RANBP9: variants seen among roughly 807,000 people sequenced by gnomAD.
RANBP9 encodes ran-binding protein 9.
RANBP9 carries 15 observed loss-of-function variants against 84.3 expected under a neutral mutation model. That is an observed-to-expected ratio of 0.18 (90% confidence interval 0.12 to 0.27). The LOEUF is 0.27. Among genes scored for constraint, RANBP9 ranks in the 10% least tolerant of loss-of-function variants. The pLI is 1.00. For missense variants in RANBP9, 809 were observed against 912.8 expected, an observed-to-expected ratio of 0.89 and a Z score of 1.46; for synonymous variants, 392 against 349.6, an observed-to-expected ratio of 1.12 and a Z score of -1.35.
chr6:13,645,270 G>A (rs1765155003), intron 5 of RANBP9, among the ~76,000 whole-genome samples: 1 of 151,742 alleles, frequency 6.6e-6, no homozygotes, highest in South Asian at 2.1e-4. Flanking sequence ...ATAACTATAA[G>A]CAAAACACAG....
rs1766320957 is a variant in RANBP9, at chr6:13,691,505, C to G, written c.683+5280G>C. Among the ~76,000 whole-genome samples, 3 of 152,276 alleles carry G rather than the reference C, an allele frequency of 2.0e-5. No homozygotes were observed. In the South Asian group the frequency reaches 6.2e-4, roughly 32 times the overall value. On this transcript the variant is annotated intron_variant, in intron 2 of 13. Coordinates refer to ENST00000011619, the MANE Select transcript of RANBP9 (RefSeq NM_005493.3). ...TAAAAGTCTTTACAAGCACATAATA[C>G]ATTAACACCAGTTCTTTCTACCCTA...
At chr6:13,706,039 GT>G (rs1758109276) in intron 1 of RANBP9, among the ~76,000 whole-genome samples, 1 of 151,948 alleles carries the variant, frequency 6.6e-6, no homozygotes, top group Non-Finnish European at 1.5e-5. Context: ...GGGGGTACAG[GT>G]GGGAAAGACA....
At chr6:13,699,256 T>C (rs776688062) in intron 1 of RANBP9, among the ~76,000 whole-genome samples, 1 of 152,212 alleles carries the variant, frequency 6.6e-6, no homozygotes, top group Non-Finnish European at 1.5e-5. Context: ...TTATAAATCT[T>C]CAAGGATCCA....
chr6:13,704,936 A>G (rs1758064621), intron 1 of RANBP9, among the ~76,000 whole-genome samples: 1 of 152,048 alleles, frequency 6.6e-6, no homozygotes, highest in South Asian at 2.1e-4. Context: ...TCTCTATAAT[A>G]TTTCCCTTAC....
At chr6:13,669,387 A>G (rs949797690) in intron 2 of RANBP9, among the ~76,000 whole-genome samples, 2 of 152,224 alleles carry the variant, frequency 1.3e-5, no homozygotes, top group Admixed American at 1.3e-4. Flanking sequence ...TCCTGAAATC[A>G]TACACAAATG....
chr6:13,638,280 G>C (rs1254457445), intron 9 of RANBP9, among the ~76,000 whole-genome samples: 4 of 152,124 alleles, frequency 2.6e-5, no homozygotes, highest in Non-Finnish European at 5.9e-5. Context: ...TGAAGTGACT[G>C]TATGATATTC....
chr6:13,685,929 CAAA>C (rs566635171), intron 2 of RANBP9, among the ~76,000 whole-genome samples: 2 of 99,624 alleles, frequency 2.0e-5, no homozygotes, highest in African/African-American at 3.6e-5. Flanking sequence ...GACTCTGTCT[CAAA>C]AAAAAAAAAA....
At chr6:13,675,747 A>T (rs75588703) in intron 2 of RANBP9, among the ~76,000 whole-genome samples, 3 of 151,710 alleles carry the variant, frequency 2.0e-5, no homozygotes, top group Non-Finnish European at 4.4e-5. Flanking sequence ...AAAAAAAAAC[A>T]CAAATTATTA....
At chr6:13,659,134 G>A (rs1041981690) in intron 2 of RANBP9, among the ~76,000 whole-genome samples, 2 of 151,922 alleles carry the variant, frequency 1.3e-5, no homozygotes, top group Admixed American at 6.6e-5. Context: ...ACAGATAAAT[G>A]TTTGGGATTA....
chr6:13,669,393 A>G (rs934005645), intron 2 of RANBP9, among the ~76,000 whole-genome samples: 1 of 152,166 alleles, frequency 6.6e-6, no homozygotes, highest in Non-Finnish European at 1.5e-5. Context: ...AATCATACAC[A>G]AATGCAAGGG....
At chr6:13,704,668 T>C (rs1321824462) in intron 1 of RANBP9, among the ~76,000 whole-genome samples, 1 of 152,020 alleles carries the variant, frequency 6.6e-6, no homozygotes, top group Non-Finnish European at 1.5e-5. Flanking sequence ...ATTGATCTTT[T>C]CCCAGATGCT....
At chr6:13,651,394 GTTTT>G (rs200838299) in intron 5 of RANBP9, among the ~76,000 whole-genome samples, 3 of 83,740 alleles carry the variant, frequency 3.6e-5, no homozygotes, top group African/African-American at 1.4e-4. Context: ...TTGTTGTTTT[GTTTT>G]TTTGTTTTTT....
intron 12 of RANBP9, among the ~76,000 whole-genome samples, chr6:13,628,338 A>G (rs1215197193): frequency 1.3e-5 from 2 of 152,234 alleles, no homozygotes; most frequent in Non-Finnish European, 2.9e-5. Context: ...AAAGGCTTAC[A>G]TGTAAATAAA....
chr6:13,705,151 C>T (rs1758071477), intron 1 of RANBP9, among the ~76,000 whole-genome samples: 1 of 152,112 alleles, frequency 6.6e-6, no homozygotes, highest in African/African-American at 2.4e-5. Context: ...CGCCTATAAT[C>T]CCAGCACTTT....
At chr6:13,627,630 C>CAAAAAAAA (rs35401168) in intron 12 of RANBP9, among the ~76,000 whole-genome samples, 2 of 66,410 alleles carry the variant, frequency 3.0e-5, no homozygotes, top group Non-Finnish European at 2.9e-5. Context: ...ACTCCATCTC[C>CAAAAAAAA]AAAAAAAAAA....
At chr6:13,664,129 G>A (rs1379148241) in intron 2 of RANBP9, among the ~76,000 whole-genome samples, 1 of 151,980 alleles carries the variant, frequency 6.6e-6, no homozygotes, top group African/African-American at 2.4e-5. Context: ...AAAATCCTAA[G>A]GAATCTACAA....
At chr6:13,690,727 T>G (rs1353992219) in intron 2 of RANBP9, among the ~76,000 whole-genome samples, 2 of 152,208 alleles carry the variant, frequency 1.3e-5, no homozygotes, top group Non-Finnish European at 2.9e-5. Flanking sequence ...CTGCCTCTAT[T>G]AATATGCATA....
chr6:13,635,500 A>G (rs989407206), intron 10 of RANBP9, among the ~76,000 whole-genome samples: 3 of 127,130 alleles, frequency 2.4e-5, no homozygotes, highest in African/African-American at 3.7e-5. Context: ...TCAATTGTAG[A>G]AAAAAAAACA....
intron 5 of RANBP9, among the ~76,000 whole-genome samples, chr6:13,648,303 A>T (rs1369158990): frequency 6.6e-6 from 1 of 150,898 alleles, no homozygotes; most frequent in Non-Finnish European, 1.5e-5. Context: ...ACATGCCACC[A>T]CTCCTGGCTA....
Sources: gnomAD v4.1 joint callset for allele counts (sites outside exome capture counted in the v4.1 genomes callset) on GRCh38, gnomAD v4.1.1 for gene constraint, MANE v1.5 for transcripts, NCBI Gene and HGNC (gene_info 2026-07-23, HGNC 2026-07-21) for gene names.